IKZF1: variants seen among roughly 807,000 people sequenced by gnomAD.
IKZF1 encodes the protein IKAROS family zinc finger 1, also known as DNA-binding protein Ikaros.
IKZF1 carries 10 observed loss-of-function variants against 51.7 expected under a neutral mutation model. The observed-to-expected ratio is 0.19, with a 90% CI of 0.12 to 0.33. IKZF1 has a LOEUF of 0.33. Among genes scored for constraint, IKZF1 ranks in the 10% least tolerant of loss-of-function variants. IKZF1 has a pLI of 1.00. For missense variants in IKZF1, 484 were observed against 707.5 expected (o/e 0.68, Z 3.58); for synonymous variants, 280 against 282.3 (o/e 0.99, Z 0.08).
intron 3 of IKZF1, among the ~76,000 whole-genome samples, chr7:50,349,157 G>A (rs1018673945): frequency 1.3e-5 from 2 of 152,196 alleles, no homozygotes; most frequent in Admixed American, 6.5e-5. Flanking sequence ...GTGTAGGCCT[G>A]TGTGTTCATG....
chr7:50,325,499 G>A (rs1052016731), intron 2 of IKZF1, among the ~76,000 whole-genome samples: 2 of 152,174 alleles, frequency 1.3e-5, no homozygotes, highest in Non-Finnish European at 2.9e-5. Flanking sequence ...TATAGGCCGG[G>A]CGCAGTGGCT....
At chr7:50,380,731 C>G (rs1811611689) in intron 4 of IKZF1, among the ~76,000 whole-genome samples, 1 of 152,212 alleles carries the variant, frequency 6.6e-6, no homozygotes, top group Admixed American at 6.5e-5. Context: ...TCCTTTTTAT[C>G]CACTTGGAGT....
chr7:50,313,684 C>G (rs1790752256), intron 1 of IKZF1, among the ~76,000 whole-genome samples: 1 of 152,210 alleles, frequency 6.6e-6, no homozygotes, highest in Non-Finnish European at 1.5e-5. Context: ...AGCTATTTCT[C>G]TTAGCCTTGG....
rs185807829 is a variant in IKZF1, at chr7:50,397,221, G to A, written c.851-2697G>A. Among the ~76,000 whole-genome samples, 275 of 152,146 alleles carry A rather than the reference G, an allele frequency of 1.8e-3. 5 individuals carry two copies. The highest frequency in any genetic ancestry group is 0.014 in the Admixed American group (214 of 15,288). On this transcript the variant is annotated intron_variant, in intron 7 of 7. Coordinates refer to ENST00000331340, the MANE Select transcript of IKZF1 (RefSeq NM_006060.6). ...TGAGTGTATGTGTGTTCTCACACAC[G>A]CCATAATGAAATGCATATTATATAT...
At chr7:50,327,929 G>A (rs1795491174) in intron 3 of IKZF1, 172 bp downstream of exon 3, 2 of 749,364 alleles carry the variant, frequency 2.7e-6, no homozygotes, top group African/African-American at 1.8e-5. Context: ...GTGTGTGGGA[G>A]GATGGACACT....
intron 4 of IKZF1, among the ~76,000 whole-genome samples, chr7:50,378,700 C>T (rs1345008349): frequency 6.6e-6 from 1 of 152,244 alleles, no homozygotes; most frequent in Non-Finnish European, 1.5e-5. Context: ...CTGCTCACTT[C>T]TCCCAACAAA....
intron 2 of IKZF1, among the ~76,000 whole-genome samples, chr7:50,325,976 C>T (rs1462250652): frequency 1.3e-5 from 2 of 152,290 alleles, no homozygotes; most frequent in Admixed American, 1.3e-4. Context: ...AATGCTCTTT[C>T]TGAAAATATG....
intron 7 of IKZF1, among the ~76,000 whole-genome samples, chr7:50,395,596 T>C (rs1010956420): frequency 1.3e-5 from 2 of 152,244 alleles, no homozygotes; most frequent in Non-Finnish European, 2.9e-5. Context: ...ATATTCACAT[T>C]CTATTCTGTA....
chr7:50,343,492 G>A (rs1166037612), intron 3 of IKZF1, among the ~76,000 whole-genome samples: 1 of 152,090 alleles, frequency 6.6e-6, no homozygotes, highest in African/African-American at 2.4e-5. Context: ...GGGAGTAACT[G>A]GAAGAGTCAC....
At chr7:50,316,420 G>A (rs931330734) in intron 1 of IKZF1, among the ~76,000 whole-genome samples, 1 of 152,222 alleles carries the variant, frequency 6.6e-6, no homozygotes, top group African/African-American at 2.4e-5. Context: ...TGCTGGGGCA[G>A]GAGTGGTGAT....
chr7:50,404,195 T>C lies in IKZF1; in HGVS notation c.*3568T>C, dbSNP rs1290177580. 1.9e-5 allele frequency: 4 copies of C among 215,138 alleles called. No individual in the cohort carries two copies. The highest frequency in any genetic ancestry group is 3.8e-5 in the Non-Finnish European group (4 of 106,472). The allele number at this position is 215,138 out of a possible 1,614,324, so 13.3% of individuals were successfully genotyped here. A position where few individuals can be genotyped will look rare whatever the true frequency, so the allele number is the denominator to read the frequency against. ...TTATAATGTTGTGTGTGGTGATTGT[T>C]CAGGTCGAATCTGTTGTATCCAGTA... is the stretch of plus-strand genomic sequence containing the variant. On this transcript the variant is annotated 3_prime_UTR_variant, in exon 8 of 8. Transcript: ENST00000331340.
At chr7:50,334,666 ATATG>A (rs1797213070) in intron 3 of IKZF1, among the ~76,000 whole-genome samples, 1 of 142,804 alleles carries the variant, frequency 7.0e-6, no homozygotes, top group Non-Finnish European at 1.5e-5. Flanking sequence ...TGTAGTGTGT[ATATG>A]TGTGTGAGAT....
At chr7:50,334,512 T>G (rs1226103509) in intron 3 of IKZF1, among the ~76,000 whole-genome samples, 3 of 151,924 alleles carry the variant, frequency 2.0e-5, no homozygotes, top group Non-Finnish European at 2.9e-5. Context: ...TGTATGTGTG[T>G]GGTGTGTGTG....
chr7:50,331,198 A>C (rs1490619566), intron 3 of IKZF1, among the ~76,000 whole-genome samples: 1 of 152,232 alleles, frequency 6.6e-6, no homozygotes, highest in African/African-American at 2.4e-5. Flanking sequence ...TCGTAGCTTC[A>C]CTTGGGAAAA....
chr7:50,359,076 A>G (rs1804423795), intron 3 of IKZF1, among the ~76,000 whole-genome samples: 2 of 152,120 alleles, frequency 1.3e-5, no homozygotes, highest in African/African-American at 4.8e-5. Flanking sequence ...CCTAGGCAAT[A>G]TGGTAAAACC....
chr7:50,324,096 A>G lies in IKZF1; in HGVS notation c.41-3542A>G, dbSNP rs574893512. Among the ~76,000 whole-genome samples the G allele has an allele frequency of 8.5e-5, 13 of 152,284 alleles. No individual in the cohort carries two copies. The South Asian group carries it at 2.7e-3, about 32-fold the overall frequency. ...GTCATTTATTTTTTAGTGTTTTATA[A>G]TCCTTGCATACTTTTACATTTTAAA... is the stretch of plus-strand genomic sequence containing the variant. On this transcript the variant is annotated intron_variant, in intron 2 of 7. Transcript: ENST00000331340.
intron 3 of IKZF1, among the ~76,000 whole-genome samples, chr7:50,352,772 T>C (rs1445765235): frequency 6.6e-6 from 1 of 152,276 alleles, no homozygotes; most frequent in African/African-American, 2.4e-5. Flanking sequence ...CAAATACTAA[T>C]GACATTTTTA....
chr7:50,339,115 G>A (rs1356977746), intron 3 of IKZF1, among the ~76,000 whole-genome samples: 1 of 152,118 alleles, frequency 6.6e-6, no homozygotes, highest in Non-Finnish European at 1.5e-5. Context: ...CTTTTTGAGA[G>A]CTGGTTTATC....
Position 50,327,949 on chromosome 7 carries a change from G to C in IKZF1, c.160+192G>C, listed in dbSNP as rs1795494195. ...TGGGAGGATGGACACTCACAGGCCA[G>C]CATGGCCGTGAGAGCCACACACCCC... On this transcript the variant is annotated intron_variant, in intron 3 of 7. Transcript: ENST00000331340. 3 of 640,682 alleles carry C rather than the reference G, an allele frequency of 4.7e-6. No homozygotes were observed. In the Admixed American group the frequency reaches 1.1e-4, roughly 23 times the overall value. The allele number at this position is 640,682 out of a possible 1,614,324, so 39.7% of individuals were successfully genotyped here.
Sources: gnomAD v4.1 joint callset for allele counts (sites outside exome capture counted in the v4.1 genomes callset) on GRCh38, gnomAD v4.1.1 for gene constraint, MANE v1.5 for transcripts, NCBI Gene and HGNC (gene_info 2026-07-23, HGNC 2026-07-21) for gene names.